PRH1: variants seen among roughly 807,000 people sequenced by gnomAD.
The protein encoded by PRH1 is salivary acidic proline-rich phosphoprotein 1/2.
In PRH1, 7 loss-of-function variants were observed where a neutral mutation model predicts 7.9. The observed-to-expected ratio is 0.89, with a 90% CI of 0.50 to 1.67. The LOEUF (loss-of-function observed/expected upper bound fraction) is 1.67, where lower values mean the gene tolerates loss of function less well. PRH1 is among the 40% of genes most tolerant of loss of function. The probability of loss-of-function intolerance (pLI) is 0.00; values close to 1 mark genes in which losing one functional copy is unlikely to be tolerated. For missense variants in PRH1, 109 were observed against 223.6 expected (o/e 0.49, Z 3.27); for synonymous variants, 45 against 80.8 (o/e 0.56, Z 2.38).
intron 1 of PRH1, among the ~76,000 whole-genome samples, chr12:11,038,891 T>C (rs1942575942): frequency 6.6e-6 from 1 of 152,242 alleles, no homozygotes; most frequent in Non-Finnish European, 1.5e-5. Flanking sequence ...TCCCATTGTG[T>C]CGTATCCTTT....
chr12:11,169,018 G>A (rs143765291), intron 1 of PRH1, among the ~76,000 whole-genome samples: 1 of 152,286 alleles, frequency 6.6e-6, no homozygotes, highest in African/African-American at 2.4e-5. Context: ...ACAAGTTAAT[G>A]GTGTGGTGTG....
upstream of PRH1, among the ~76,000 whole-genome samples, chr12:10,886,312 G>A (rs1257651151): frequency 6.6e-6 from 1 of 152,206 alleles, no homozygotes; most frequent in Non-Finnish European, 1.5e-5. Context: ...GATATTGCCT[G>A]ATGATGTGGG....
In PRH1 at chr12:10,909,289, C is replaced by A. The variant is rs201819234; in HGVS notation, c.-58-25014G>T. On this transcript the variant is annotated intron_variant, in intron 2 of 3. Coordinates refer to the PRH1 transcript ENST00000539853. ...ACAAGAGTGAAGATACTCGGCAGGGCACTTTCCATGTCAGAACAGAGAAAG... is the reference window on the plus strand; with the variant it reads ...ACAAGAGTGAAGATACTCGGCAGGGAACTTTCCATGTCAGAACAGAGAAAG... 6.2e-7 allele frequency: 1 copy of A among 1,611,062 alleles called. No homozygotes were observed. Among genetic ancestry groups the A allele is most frequent in the Non-Finnish European group, 8.5e-7 (1 of 1,178,004 alleles).
chr12:11,070,121 C>G (rs1268334826), intron 1 of PRH1, among the ~76,000 whole-genome samples: 1 of 151,956 alleles, frequency 6.6e-6, no homozygotes, highest in African/African-American at 2.4e-5. Flanking sequence ...AGTTGACACC[C>G]TGCCTCTCTA....
At chr12:10,969,960 C>T (rs1480160423) in intron 2 of PRH1, among the ~76,000 whole-genome samples, 1 of 152,038 alleles carries the variant, frequency 6.6e-6, no homozygotes, top group Non-Finnish European at 1.5e-5. Flanking sequence ...ACCACCACAC[C>T]CGGCTAATTT....
chr12:11,069,459 AC>A (rs1414938744), intron 1 of PRH1, among the ~76,000 whole-genome samples: 1 of 41,990 alleles, frequency 2.4e-5, no homozygotes, highest in Non-Finnish European at 7.5e-5. Flanking sequence ...CAGTTTAGAG[AC>A]AAAAGACAAC....
intron 2 of PRH1, chr12:10,930,660 A>C: frequency 6.2e-7 from 1 of 1,613,802 alleles, no homozygotes; most frequent in Non-Finnish European, 8.5e-7. Flanking sequence ...CAACTCACAC[A>C]GATGGAGGAG....
upstream of PRH1, among the ~76,000 whole-genome samples, chr12:11,050,953 C>T (rs1943118550): frequency 3.9e-5 from 6 of 152,384 alleles, no homozygotes; most frequent in South Asian, 1.2e-3. Flanking sequence ...CCTAAATCAG[C>T]CAAAGTAGCT....
intron 1 of PRH1, among the ~76,000 whole-genome samples, chr12:11,145,106 C>G (rs1946824457): frequency 1.3e-5 from 2 of 152,214 alleles, no homozygotes; most frequent in South Asian, 4.1e-4. Context: ...GCCTCACATC[C>G]ATCTGCCACA....
intron 2 of PRH1, among the ~76,000 whole-genome samples, chr12:10,969,518 A>T (rs1189531565): frequency 6.6e-6 from 1 of 152,092 alleles, no homozygotes; most frequent in African/African-American, 2.4e-5. Flanking sequence ...TATTTCATCA[A>T]TGACAACTTT....
chr12:10,963,503 G>A (rs1342337779), intron 2 of PRH1, among the ~76,000 whole-genome samples: 1 of 152,196 alleles, frequency 6.6e-6, no homozygotes, highest in Non-Finnish European at 1.5e-5. Flanking sequence ...ATTTTTAAAT[G>A]TGGAAGATAG....
At chr12:11,135,183 T>C (rs1296149625) in intron 1 of PRH1, among the ~76,000 whole-genome samples, 1 of 152,182 alleles carries the variant, frequency 6.6e-6, no homozygotes, top group Non-Finnish European at 1.5e-5. Flanking sequence ...CCAGACCCTT[T>C]GATATATAAT....
chr12:11,157,642 T>G (rs891580548), intron 1 of PRH1, among the ~76,000 whole-genome samples: 14 of 152,240 alleles, frequency 9.2e-5, no homozygotes, highest in Admixed American at 6.5e-4. Context: ...CAATGCATTT[T>G]AAGTAAAAAT....
intron 2 of PRH1, among the ~76,000 whole-genome samples, chr12:10,910,509 T>A (rs1591670013): frequency 6.6e-6 from 1 of 151,974 alleles, no homozygotes; most frequent in Non-Finnish European, 1.5e-5. Context: ...TTAAAATATA[T>A]AGTGTGGTGT....
At chr12:11,111,441 TAACA>T (rs1254390290) in intron 1 of PRH1, among the ~76,000 whole-genome samples, 1 of 152,116 alleles carries the variant, frequency 6.6e-6, no homozygotes, top group South Asian at 2.1e-4. Context: ...AAATAAATCA[TAACA>T]AACAGTCTCT....
rs201685378 is a variant in PRH1, at chr12:10,947,392, C to CT, written c.-59+26262dup. On this transcript the variant is annotated intron_variant, in intron 2 of 3. Transcript: ENST00000539853. ...ACCATTATGTTATATCCTTGCTTGT[C>CT]TTTTTTTTAAAAAACTTTCATTTGT... Among the ~76,000 whole-genome samples the CT allele has an allele frequency of 4.7e-3, 714 of 151,888 alleles. 6 individuals are homozygous for CT. Among genetic ancestry groups the CT allele is most frequent in the African/African-American group, 0.016 (674 of 41,452 alleles).
At chr12:10,903,952 A>AAAAAAAAAAAAC (rs1421438864) in intron 2 of PRH1, among the ~76,000 whole-genome samples, 4 of 144,798 alleles carry the variant, frequency 2.8e-5, no homozygotes, top group African/African-American at 1.0e-4. Flanking sequence ...AAAAAAAAAA[A>AAAAAAAAAAAAC]AACAACTAGG....
intron 1 of PRH1, among the ~76,000 whole-genome samples, chr12:11,157,127 C>T (rs1947276744): frequency 6.6e-6 from 1 of 152,144 alleles, no homozygotes; most frequent in Non-Finnish European, 1.5e-5. Context: ...ATTACCCACA[C>T]TTTGGTCAAG....
chr12:11,134,242 C>T (rs564548213), intron 1 of PRH1: 1 of 1,604,780 alleles, frequency 6.2e-7, no homozygotes, highest in Non-Finnish European at 8.5e-7. Flanking sequence ...GAAAAGTTAT[C>T]ATGTCTGAAC....
Sources: allele counts gnomAD v4.1 joint callset (sites outside exome capture counted in the v4.1 genomes callset), GRCh38; gene constraint gnomAD v4.1.1; transcripts MANE v1.5; gene names NCBI Gene and HGNC (gene_info 2026-07-23, HGNC 2026-07-21).